The following HHAT variants were observed in gnomAD, a reference collection of about 807,000 sequenced individuals.
HHAT encodes the protein hedgehog acyltransferase.
In HHAT, 47 loss-of-function variants were observed where a neutral mutation model predicts 70.8. The observed-to-expected ratio is 0.66, with a 90% CI of 0.53 to 0.85. The LOEUF is 0.85. HHAT is among the 40% of genes least tolerant of loss of function. The probability of loss-of-function intolerance (pLI) is 0.00; values close to 1 mark genes in which losing one functional copy is unlikely to be tolerated. For missense variants in HHAT, 609 were observed against 604.8 expected, an observed-to-expected ratio of 1.01 and a Z score of -0.07; for synonymous variants, 228 against 247.6, an observed-to-expected ratio of 0.92 and a Z score of 0.74.
chr1:210,349,715 A>C (rs1007951570), intron 2 of HHAT, among the ~76,000 whole-genome samples: 5 of 148,740 alleles, frequency 3.4e-5, no homozygotes, highest in African/African-American at 1.2e-4. Flanking sequence ...CAATGGTACC[A>C]TCTCGGCTCA....
At chr1:210,358,575 A>C (rs936659064) in intron 2 of HHAT, among the ~76,000 whole-genome samples, 1 of 152,214 alleles carries the variant, frequency 6.6e-6, no homozygotes, top group South Asian at 2.1e-4. Flanking sequence ...AAATTCTCCT[A>C]TCATTAGAAG....
intron 8 of HHAT, among the ~76,000 whole-genome samples, chr1:210,488,994 CT>C (rs1299618084): frequency 6.6e-6 from 1 of 152,152 alleles, no homozygotes; most frequent in East Asian, 1.9e-4. Context: ...GAGAAAGGAA[CT>C]TTCCATACTA....
At chr1:210,502,972 ATT>A (rs35971625) in intron 8 of HHAT, among the ~76,000 whole-genome samples, 42 of 147,000 alleles carry the variant, frequency 2.9e-4, no homozygotes, top group East Asian at 6.0e-4. Context: ...TACTGAAGAT[ATT>A]TTTTTTTTTT....
chr1:210,594,881 G>A (rs909764264), intron 10 of HHAT, among the ~76,000 whole-genome samples: 1 of 151,880 alleles, frequency 6.6e-6, no homozygotes, highest in African/African-American at 2.4e-5. Flanking sequence ...GAACTGTAAG[G>A]TTTCCATTGA....
intron 10 of HHAT, among the ~76,000 whole-genome samples, chr1:210,621,679 T>C (rs1008214352): frequency 1.3e-5 from 2 of 152,208 alleles, no homozygotes; most frequent in Non-Finnish European, 2.9e-5. Context: ...CATGTAGTTA[T>C]CTCGTACCAG....
chr1:210,383,837 AAC>A (rs970037305), intron 3 of HHAT, among the ~76,000 whole-genome samples: 4 of 152,192 alleles, frequency 2.6e-5, no homozygotes, highest in African/African-American at 9.6e-5. Flanking sequence ...GTAATTAGAA[AAC>A]ACATACTCGA....
At chr1:210,506,467 C>T (rs901119559) in intron 8 of HHAT, among the ~76,000 whole-genome samples, 2 of 152,200 alleles carry the variant, frequency 1.3e-5, no homozygotes, top group African/African-American at 4.8e-5. Context: ...GCAAAACTTG[C>T]ATATCATACA....
At chr1:210,645,948 G>A (rs745674811) in intron 11 of HHAT, among the ~76,000 whole-genome samples, 2 of 152,082 alleles carry the variant, frequency 1.3e-5, no homozygotes, top group African/African-American at 4.8e-5. Context: ...TTTCCATCAG[G>A]AGTTTAGCCT....
At chr1:210,330,923 A>G (rs2084929367) in intron 1 of HHAT, among the ~76,000 whole-genome samples, 1 of 152,298 alleles carries the variant, frequency 6.6e-6, no homozygotes, top group African/African-American at 2.4e-5. Context: ...GGATCAAGCA[A>G]TTCTCGTGCC....
chr1:210,495,000 G>T (rs1003500254), intron 8 of HHAT, among the ~76,000 whole-genome samples: 10 of 152,024 alleles, frequency 6.6e-5, no homozygotes, highest in Admixed American at 2.0e-4. Flanking sequence ...TGGATAGTAC[G>T]ACTGCCAAGG....
intron 2 of HHAT, among the ~76,000 whole-genome samples, chr1:210,354,700 T>C (rs2087433326): frequency 6.6e-6 from 1 of 152,138 alleles, no homozygotes; most frequent in African/African-American, 2.4e-5. Context: ...AATTGATTTC[T>C]CAATCAATTC....
At chr1:210,655,625 G>A (rs1243798031) in intron 11 of HHAT, among the ~76,000 whole-genome samples, 1 of 152,224 alleles carries the variant, frequency 6.6e-6, no homozygotes, top group East Asian at 1.9e-4. Flanking sequence ...GGTTCCCTCA[G>A]AGCAGGGTCT....
intron 8 of HHAT, among the ~76,000 whole-genome samples, chr1:210,468,323 G>C (rs2094142616): frequency 6.6e-6 from 1 of 152,180 alleles, no homozygotes; most frequent in Non-Finnish European, 1.5e-5. Context: ...TTCGTGATTT[G>C]ATTTCTAGCT....
At position 210,329,000 on chromosome 1, in the gene HHAT, A is replaced by T; in HGVS notation, c.-148A>T. On this transcript the variant is annotated 5_prime_UTR_variant, in exon 1 of 12. Coordinates refer to ENST00000261458, the MANE Select transcript of HHAT (RefSeq NM_018194.6). ...AGGGTGGCGTCCCGGGGAAGCCCGC[A>T]GCCGCCGCCGATGTCGCTGGGACTC... 7.3e-7 allele frequency: 1 copy of T among 1,376,916 alleles called. No individual in the cohort carries two copies. The highest frequency in any genetic ancestry group is 9.4e-7 in the Non-Finnish European group (1 of 1,063,948). The allele number at this position is 1,376,916 out of a possible 1,614,324, so 85.3% of individuals were successfully genotyped here. A position where few individuals can be genotyped will look rare whatever the true frequency, so the allele number is the denominator to read the frequency against.
intron 11 of HHAT, among the ~76,000 whole-genome samples, chr1:210,667,549 G>C (rs1177270757): frequency 6.6e-6 from 1 of 151,986 alleles, no homozygotes; most frequent in East Asian, 1.9e-4. Context: ...TCAAATGTCA[G>C]CTTCATTGAG....
intron 10 of HHAT, among the ~76,000 whole-genome samples, chr1:210,596,808 A>G (rs866671506): frequency 1.3e-5 from 2 of 152,024 alleles, no homozygotes; most frequent in Admixed American, 6.6e-5. Flanking sequence ...TGTCTCAGTG[A>G]TTTACTCCTG....
chr1:210,456,233 T>TC (rs2093865057), intron 7 of HHAT, among the ~76,000 whole-genome samples: 1 of 152,222 alleles, frequency 6.6e-6, no homozygotes, highest in South Asian at 2.1e-4. Flanking sequence ...TTTACCAACA[T>TC]CTGCTTTGTT....
intron 9 of HHAT, among the ~76,000 whole-genome samples, chr1:210,516,804 G>C (rs2095064785): frequency 6.6e-6 from 1 of 152,052 alleles, no homozygotes; most frequent in African/African-American, 2.4e-5. Flanking sequence ...TGGAAGTCAT[G>C]TCGACTTCTC....
At chr1:210,562,566 C>T (rs1029815617) in intron 9 of HHAT, among the ~76,000 whole-genome samples, 6 of 152,046 alleles carry the variant, frequency 3.9e-5, no homozygotes, top group Non-Finnish European at 5.9e-5. Flanking sequence ...ATCTACTGAG[C>T]GCTTGCTGTA....
Sources: gnomAD v4.1 joint callset for allele counts (sites outside exome capture counted in the v4.1 genomes callset) on GRCh38, gnomAD v4.1.1 for gene constraint, MANE v1.5 for transcripts, NCBI Gene and HGNC (gene_info 2026-07-23, HGNC 2026-07-21) for gene names.